MTDH: variants seen among roughly 807,000 people sequenced by gnomAD.
The protein encoded by MTDH is metadherin.
Under a neutral mutation model 72.7 loss-of-function variants are expected in MTDH, and 34 were observed. The observed-to-expected ratio is 0.47, with a 90% CI of 0.36 to 0.62. The LOEUF is 0.62. Ranked by LOEUF, MTDH falls within the 20% of genes least tolerant of loss-of-function variation. The pLI is 0.00. For missense variants in MTDH, 677 were observed against 699.4 expected, an observed-to-expected ratio of 0.97 and a Z score of 0.36; for synonymous variants, 266 against 268.9, an observed-to-expected ratio of 0.99 and a Z score of 0.10.
chr8:97,661,786 T>TA (rs1812179469), intron 2 of MTDH, among the ~76,000 whole-genome samples: 1 of 151,878 alleles, frequency 6.6e-6, no homozygotes, highest in Admixed American at 6.6e-5. Flanking sequence ...TTACAAAAAA[T>TA]ACCAAAATTA....
At chr8:97,654,575 C>CT (rs1811894700) in intron 1 of MTDH, among the ~76,000 whole-genome samples, 1 of 147,896 alleles carries the variant, frequency 6.8e-6, no homozygotes, top group African/African-American at 2.5e-5. Context: ...TTTAATTATA[C>CT]TTTAAGTTCT....
chr8:97,651,386 C>G (rs539239488), intron 1 of MTDH, among the ~76,000 whole-genome samples: 1 of 152,276 alleles, frequency 6.6e-6, no homozygotes, highest in African/African-American at 2.4e-5. Flanking sequence ...AGCACTTCAG[C>G]ACTACAGTTG....
chr8:97,644,326 T>G lies in MTDH; in HGVS notation c.-181T>G. 6.6e-6 allele frequency: 5 copies of G among 760,864 alleles called. No individual in the cohort carries two copies. In the South Asian group the frequency reaches 1.0e-4, roughly 16 times the overall value. The allele number at this position is 760,864 out of a possible 1,614,324, so 47.1% of individuals were successfully genotyped here. A position where few individuals can be genotyped will look rare whatever the true frequency, so the allele number is the denominator to read the frequency against. ...GGAGTGAGGCTGACAGCGGGGAACC[T>G]GGGAGACCCCTCCGCCCTCCCCGCG... On this transcript the variant is annotated 5_prime_UTR_variant, in exon 1 of 12. Transcript: ENST00000336273.
chr8:97,654,196 A>C (rs947094825), intron 1 of MTDH, among the ~76,000 whole-genome samples: 4 of 152,216 alleles, frequency 2.6e-5, no homozygotes, highest in Admixed American at 1.3e-4. Flanking sequence ...ACCATAGGTT[A>C]TATTTGTAAG....
At chr8:97,706,452 T>G (rs993665431) in intron 7 of MTDH, 174 bp from the exon 8 acceptor site, 1 of 446,176 alleles carries the variant, frequency 2.2e-6, no homozygotes, top group Admixed American at 4.5e-5. Flanking sequence ...TTAGCAGAAA[T>G]TGAATAAAGA....
chr8:97,646,256 C>T (rs111709974), intron 1 of MTDH, among the ~76,000 whole-genome samples: 11 of 152,244 alleles, frequency 7.2e-5, no homozygotes, highest in Admixed American at 4.6e-4. Context: ...TAGGCCTTCA[C>T]GTTTTGCCTG....
In MTDH at chr8:97,726,560, C is replaced by T. The variant is rs1213494942; in HGVS notation, c.*1890C>T. The T allele has an allele frequency of 6.6e-6, 1 of 152,206 alleles. No individual in the cohort carries two copies. The highest frequency in any genetic ancestry group is 2.4e-5 in the African/African-American group (1 of 41,444). The allele number at this position is 152,206 out of a possible 1,614,324, so 9.4% of individuals were successfully genotyped here. Reference sequence around the variant, plus strand: ...CAACTCTACCTCACCATTTCTTTATCTCAAAATTCTGTTGGCTTTGTCAAA... The same window carrying T: ...CAACTCTACCTCACCATTTCTTTATTTCAAAATTCTGTTGGCTTTGTCAAA... On this transcript the variant is annotated 3_prime_UTR_variant, in exon 12 of 12. Coordinates refer to ENST00000336273, the MANE Select transcript of MTDH (RefSeq NM_178812.4).
intron 8 of MTDH, among the ~76,000 whole-genome samples, chr8:97,710,151 G>GC (rs1460254384): frequency 6.6e-6 from 1 of 152,104 alleles, no homozygotes; most frequent in Non-Finnish European, 1.5e-5. Flanking sequence ...AAATCTCTTA[G>GC]CTAAGTTTGT....
chr8:97,689,767 G>A (rs1813510967), intron 5 of MTDH, among the ~76,000 whole-genome samples: 3 of 149,950 alleles, frequency 2.0e-5, no homozygotes, highest in South Asian at 4.2e-4. Flanking sequence ...GAGTGTAATG[G>A]CATGGTTTTG....
chr8:97,722,742 G>A (rs1011826127), intron 10 of MTDH, 137 bp from the exon 11 acceptor site: 5 of 680,138 alleles, frequency 7.4e-6, no homozygotes, highest in Admixed American at 6.3e-5. Context: ...CTAGAGGGCA[G>A]GTATGAGTTA....
At chr8:97,713,915 A>T (rs1410942792) in intron 9 of MTDH, 146 bp downstream of exon 9, 5 of 436,738 alleles carry the variant, frequency 1.1e-5, no homozygotes, top group Non-Finnish European at 2.0e-5. Flanking sequence ...TTACATATTC[A>T]ATACATTATA....
intron 1 of MTDH, among the ~76,000 whole-genome samples, chr8:97,648,163 C>G (rs1811633604): frequency 2.6e-5 from 4 of 152,124 alleles, no homozygotes; most frequent in African/African-American, 9.6e-5. Context: ...CCTAATAAAA[C>G]CATGCCATAG....
intron 9 of MTDH, among the ~76,000 whole-genome samples, chr8:97,718,425 T>A (rs1179681551): frequency 6.6e-6 from 1 of 152,236 alleles, no homozygotes; most frequent in Admixed American, 6.5e-5. Flanking sequence ...TAAGCTTAAT[T>A]TATCTAGAAA....
chr8:97,704,427 G>A (rs1221300208), intron 7 of MTDH, among the ~76,000 whole-genome samples: 1 of 152,066 alleles, frequency 6.6e-6, no homozygotes, highest in Non-Finnish European at 1.5e-5. Flanking sequence ...GGGCAATATA[G>A]TGAATCCCCT....
Position 97,644,515 on chromosome 8 carries a change from A to G in MTDH, c.9A>G (p.Ala3=). ...CTCTGACGGGAGGGAAGATGGCTGC[A>G]CGGAGCTGGCAGGACGAGCTGGCCC... MA[A]RSWQDELAQQ... is the part of the protein sequence containing the mutation. The change falls in exon 1 of 12, where the codon GCA becomes GCG. Residue 3 remains alanine, a synonymous_variant. Transcript: ENST00000336273. 6.3e-7 allele frequency: 1 copy of G among 1,583,476 alleles called. No homozygotes were observed. Among genetic ancestry groups the G allele is most frequent in the Non-Finnish European group, 8.5e-7 (1 of 1,171,192 alleles).
chr8:97,712,132 G>A (rs1814664011), intron 8 of MTDH, among the ~76,000 whole-genome samples: 1 of 152,182 alleles, frequency 6.6e-6, no homozygotes, highest in African/African-American at 2.4e-5. Context: ...CCACCTCCCA[G>A]GTTCAAGCAG....
At chr8:97,711,763 TAAC>T (rs1400218729) in intron 8 of MTDH, among the ~76,000 whole-genome samples, 7 of 152,188 alleles carry the variant, frequency 4.6e-5, no homozygotes, top group Non-Finnish European at 8.8e-5. Context: ...AGTAAAGGAT[TAAC>T]AACAGTAATC....
rs35895126 is a variant in MTDH, at chr8:97,678,594, CTTTTTTTTTT to C, written c.484-8059_484-8050del. On this transcript the variant is annotated intron_variant, in intron 2 of 11. Coordinates refer to ENST00000336273, the MANE Select transcript of MTDH (RefSeq NM_178812.4). ...GTTTCCTTTGCTTCCTTCCTTCCTT[CTTTTTTTTTT>C]TTTTTTTTTTTTTTGAGAGAGAGAC... 8.2e-5 allele frequency among the ~76,000 whole-genome samples: 7 copies of C among 85,324 alleles called. No individual in the cohort carries two copies. The South Asian group carries it at 2.0e-3, about 25-fold the overall frequency. The allele number at this position is 85,324 out of a possible 152,430, so 56.0% of individuals were successfully genotyped here. A position where few individuals can be genotyped will look rare whatever the true frequency, so the allele number is the denominator to read the frequency against.
intron 7 of MTDH, among the ~76,000 whole-genome samples, chr8:97,700,633 C>CAG (rs1814080093): frequency 6.6e-6 from 1 of 152,184 alleles, no homozygotes; most frequent in Non-Finnish European, 1.5e-5. Flanking sequence ...GTGCCAGGCA[C>CAG]TGGTCTTAGT....
Sources: gnomAD v4.1 joint callset for allele counts (sites outside exome capture counted in the v4.1 genomes callset) on GRCh38, gnomAD v4.1.1 for gene constraint, MANE v1.5 for transcripts, NCBI Gene and HGNC (gene_info 2026-07-23, HGNC 2026-07-21) for gene names.